The following DAPK1 variants were observed in gnomAD, a reference collection of about 807,000 sequenced individuals.
DAPK1 encodes the protein death associated protein kinase 1.
A neutral mutation model predicts 144.9 loss-of-function variants in DAPK1; 56 were observed. That is an observed-to-expected ratio of 0.39 (90% confidence interval 0.31 to 0.48). DAPK1 has a LOEUF of 0.48. DAPK1 is among the 20% of genes least tolerant of loss of function. DAPK1 has a pLI of 0.95. For missense variants in DAPK1, 1,454 were observed against 1,875.4 expected (o/e 0.78, Z 4.15); for synonymous variants, 690 against 749.0 (o/e 0.92, Z 1.29).
intron 2 of DAPK1, chr9:87,525,251 T>G (rs1009657884): frequency 6.7e-5 from 91 of 1,360,054 alleles, no homozygotes; most frequent in Non-Finnish European, 9.3e-5. Flanking sequence ...ACCTAAAAAA[T>G]GCGTTGAATA....
rs897814110 is a variant in DAPK1, at chr9:87,497,885, G to A, written c.-331G>A. Reference sequence around the variant, plus strand: ...AGAGGCTGCTTCGGAGTGTGAGGAGGACAGCCGGACCGAGCCAACGCCGGG... The same window carrying A: ...AGAGGCTGCTTCGGAGTGTGAGGAGAACAGCCGGACCGAGCCAACGCCGGG... On this transcript the variant is annotated 5_prime_UTR_variant, in exon 1 of 26. Coordinates refer to ENST00000408954, the MANE Select transcript of DAPK1 (RefSeq NM_004938.4). The A allele has an allele frequency of 2.3e-5, 9 of 393,878 alleles. No homozygotes were observed. Among genetic ancestry groups the A allele is most frequent in the African/African-American group, 1.0e-4 (5 of 48,438 alleles). 24.4% of individuals were successfully genotyped at this position (393,878 alleles called of 1,614,324 possible).
intron 2 of DAPK1, among the ~76,000 whole-genome samples, chr9:87,517,492 GTGTAATCATTCTTTTGTT>G (rs1278631999): frequency 1.3e-5 from 2 of 152,228 alleles, no homozygotes; most frequent in Admixed American, 1.3e-4. Flanking sequence ...AGCCCGTAAA[GTGTAATCATTCTTTTGTT>G]CCCCACATCT....
At chr9:87,672,550 G>C (rs1824210366) in intron 19 of DAPK1, among the ~76,000 whole-genome samples, 1 of 152,126 alleles carries the variant, frequency 6.6e-6, no homozygotes. Flanking sequence ...CCTTCCCATG[G>C]GGAGGCCCAG....
intron 18 of DAPK1, among the ~76,000 whole-genome samples, chr9:87,661,838 T>G (rs1440496047): frequency 6.6e-6 from 1 of 152,188 alleles, no homozygotes; most frequent in Non-Finnish European, 1.5e-5. Context: ...TTAAGTCCTG[T>G]TCGTCTATTT....
At chr9:87,671,793 C>G (rs772377277) in intron 19 of DAPK1, among the ~76,000 whole-genome samples, 1 of 152,188 alleles carries the variant, frequency 6.6e-6, no homozygotes, top group South Asian at 2.1e-4. Context: ...GGATTACAGG[C>G]GTGAGCCACT....
intron 12 of DAPK1, 144 bp from the exon 13 acceptor site, chr9:87,646,317 C>T: frequency 3.0e-6 from 2 of 668,510 alleles, no homozygotes; most frequent in Non-Finnish European, 5.1e-6. Context: ...TTATACCCTT[C>T]CACCTGTCTT....
At position 87,584,957 on chromosome 9, in the gene DAPK1, G is replaced by A. The variant is rs118103967; in HGVS notation, c.63-19997G>A. ...CTCTCAAAGTTCTGGGATTACAAGCGTGAGCCACTGCGTCCAGCCGTATAT... is the reference window on the plus strand; with the variant it reads ...CTCTCAAAGTTCTGGGATTACAAGCATGAGCCACTGCGTCCAGCCGTATAT... On this transcript the variant is annotated intron_variant, in intron 2 of 25. Coordinates refer to ENST00000408954, the MANE Select transcript of DAPK1 (RefSeq NM_004938.4). Among the ~76,000 whole-genome samples, 426 of 152,284 alleles carry A rather than the reference G, an allele frequency of 2.8e-3. 9 individuals are homozygous for A. Among genetic ancestry groups the A allele is most frequent in the East Asian group, 0.018 (94 of 5,182 alleles).
chr9:87,525,781 C>A (rs1389226029), intron 2 of DAPK1, among the ~76,000 whole-genome samples: 1 of 152,158 alleles, frequency 6.6e-6, no homozygotes, highest in African/African-American at 2.4e-5. Context: ...TGCTGAATGT[C>A]TGAGGAGCTT....
intron 24 of DAPK1, chr9:87,701,997 A>T: frequency 2.6e-6 from 1 of 390,366 alleles, no homozygotes; most frequent in South Asian, 2.0e-5. Context: ...GTGCTTCCCC[A>T]CCAGGTCTGG....
intron 2 of DAPK1, among the ~76,000 whole-genome samples, chr9:87,587,630 TG>T (rs1437642348): frequency 6.6e-6 from 1 of 152,220 alleles, no homozygotes; most frequent in African/African-American, 2.4e-5. Flanking sequence ...ACGTGGGAAT[TG>T]GTCATTTTTG....
chr9:87,574,195 A>G (rs992035773), intron 2 of DAPK1, among the ~76,000 whole-genome samples: 3 of 152,230 alleles, frequency 2.0e-5, no homozygotes, highest in Non-Finnish European at 4.4e-5. Context: ...CTTACATTCT[A>G]TTGGTCAGAA....
chr9:87,663,947 G>T (rs577813080), intron 18 of DAPK1, among the ~76,000 whole-genome samples: 79 of 151,920 alleles, frequency 5.2e-4, no homozygotes, highest in Middle Eastern at 3.4e-3. Context: ...ACTTCTCCAT[G>T]ACCACGAAGC....
At chr9:87,659,113 C>T (rs2119221269) in intron 18 of DAPK1, among the ~76,000 whole-genome samples, 1 of 152,346 alleles carries the variant, frequency 6.6e-6, no homozygotes, top group East Asian at 1.9e-4. Context: ...ACTTGCCTGG[C>T]CCTTGACGGA....
At chr9:87,550,024 G>T (rs181103392) in intron 2 of DAPK1, among the ~76,000 whole-genome samples, 41 of 152,258 alleles carry the variant, frequency 2.7e-4, no homozygotes, top group African/African-American at 9.4e-4. Flanking sequence ...TTTTTTCTGT[G>T]TCGGGTAAAG....
intron 20 of DAPK1, among the ~76,000 whole-genome samples, chr9:87,683,750 T>TG (rs1824729608): frequency 6.6e-6 from 1 of 152,004 alleles, no homozygotes; most frequent in South Asian, 2.1e-4. Context: ...CGCCCCACCA[T>TG]GGGGGGAGCA....
At chr9:87,525,827 G>C (rs571569761) in intron 2 of DAPK1, among the ~76,000 whole-genome samples, 9 of 152,254 alleles carry the variant, frequency 5.9e-5, no homozygotes, top group African/African-American at 2.2e-4. Flanking sequence ...CCTGGGGTGA[G>C]GGCTCAGTTG....
rs1414521660 is a variant in DAPK1, at chr9:87,707,982, T to C, written c.*618T>C. On this transcript the variant is annotated 3_prime_UTR_variant, in exon 26 of 26. Transcript: ENST00000408954. The surrounding 1 kb of genome is among the most constrained non-coding windows in gnomAD (Gnocchi z 4.0). ...AACGCTACCTCTCTGTCCCTTGCTG[T>C]ATGCTGATCATCGCCAGAGGTGCTT... is the stretch of plus-strand genomic sequence containing the variant. The C allele has an allele frequency of 7.5e-6, 3 of 397,352 alleles. No homozygotes were observed. Among genetic ancestry groups the C allele is most frequent in the Non-Finnish European group, 1.5e-5 (3 of 201,052 alleles). The allele number at this position is 397,352 out of a possible 1,614,324, so 24.6% of individuals were successfully genotyped here. A position where few individuals can be genotyped will look rare whatever the true frequency, so the allele number is the denominator to read the frequency against.
In DAPK1 at chr9:87,706,571, T is replaced by A; in HGVS notation, c.3500T>A (p.Ile1167Asn). 1.2e-6 allele frequency: 2 copies of A among 1,613,860 alleles called. No homozygotes were observed. The highest frequency in any genetic ancestry group is 1.7e-6 in the Non-Finnish European group (2 of 1,179,796). Reference sequence around the variant, plus strand: ...CAAAGCACAGAGGGCGACGCGGACATCCGCCTGTGGGTGAATGGCTGCAAG... The same window carrying A: ...CAAAGCACAGAGGGCGACGCGGACAACCGCCTGTGGGTGAATGGCTGCAAG... Reference protein sequence around the residue: ...HQQSTEGDADIRLWVNGCKLA... With the variant: ...HQQSTEGDADNRLWVNGCKLA... Residue 1167 changes from isoleucine to asparagine, a missense_variant, in exon 26 of 26, where the codon ATC becomes AAC. Ile to Asn is a moderately radical substitution (Grantham distance 149, BLOSUM62 -3). Coordinates refer to ENST00000408954, the MANE Select transcript of DAPK1 (RefSeq NM_004938.4). The surrounding 1 kb of genome is among the most constrained non-coding windows in gnomAD (Gnocchi z 9.0).
chr9:87,636,402 C>T (rs945948287), intron 3 of DAPK1, among the ~76,000 whole-genome samples: 2 of 152,230 alleles, frequency 1.3e-5, no homozygotes, highest in East Asian at 1.9e-4. Flanking sequence ...GCAGCAGGAG[C>T]GTGGAATTAA....
Sources: allele counts gnomAD v4.1 joint callset (sites outside exome capture counted in the v4.1 genomes callset), GRCh38; gene constraint gnomAD v4.1.1; non-coding constraint Gnocchi (gnomAD v3.1); transcripts MANE v1.5; gene names NCBI Gene and HGNC (gene_info 2026-07-23, HGNC 2026-07-21).